The following GLCCI1 variants were observed in gnomAD, a reference collection of about 807,000 sequenced individuals.
The protein encoded by GLCCI1 is glucocorticoid-induced transcript 1 protein.
GLCCI1 carries 24 observed loss-of-function variants against 52.2 expected under a neutral mutation model. The observed-to-expected ratio is 0.46, with a 90% confidence interval of 0.33 to 0.65. GLCCI1 has a LOEUF of 0.65. Among genes scored for constraint, GLCCI1 ranks in the 30% least tolerant of loss-of-function variants. The pLI is 0.02. For synonymous variants in GLCCI1, 310 were observed against 276.5 expected (o/e 1.12, Z -1.20); for missense variants, 704 against 701.5 (o/e 1.00, Z -0.04).
Position 8,086,219 on chromosome 7 carries a change from T to C in GLCCI1, c.1325T>C (p.Leu442Pro), listed in dbSNP as rs1783103643. 6.2e-7 allele frequency: 1 copy of C among 1,613,854 alleles called. No homozygotes were observed. The highest frequency in any genetic ancestry group is 8.5e-7 in the Non-Finnish European group (1 of 1,179,942). Residue 442 changes from leucine to proline, a missense_variant, in exon 8 of 8, where the codon CTC (leucine) becomes CCC (proline). By Grantham distance (98) the Leu-to-Pro change is moderately conservative. This residue lies in a region of GLCCI1 where 149 missense variants were observed against 152.9 expected (regional missense o/e 0.97). Transcript: ENST00000223145. The surrounding 1 kb of genome is among the most constrained non-coding windows in gnomAD (Gnocchi z 4.4). ...MASRQPISAP[L>P]FSCPDKNKVN... Reference sequence around the variant, plus strand: ...TCTCGTCAGCCTATCTCGGCCCCTCTCTTTTCATGTCCTGACAAAAACAAG... The same window carrying C: ...TCTCGTCAGCCTATCTCGGCCCCTCCCTTTTCATGTCCTGACAAAAACAAG...
At chr7:8,045,250 C>G (rs1437961809) in intron 3 of GLCCI1, among the ~76,000 whole-genome samples, 2 of 152,124 alleles carry the variant, frequency 1.3e-5, no homozygotes. Context: ...CAACCCTGGA[C>G]AGGATGCCAT....
At chr7:8,012,647 G>A (rs1044815899) in intron 2 of GLCCI1, among the ~76,000 whole-genome samples, 53 of 151,106 alleles carry the variant, frequency 3.5e-4, no homozygotes, top group Admixed American at 2.3e-3. Context: ...GGGTTTCACC[G>A]TGTTAGCCAG....
At chr7:8,063,181 A>C (rs1782553606) in intron 5 of GLCCI1, among the ~76,000 whole-genome samples, 1 of 152,046 alleles carries the variant, frequency 6.6e-6, no homozygotes, top group African/African-American at 2.4e-5. Flanking sequence ...TCTGTTGCCC[A>C]GGTTGGAGTG....
At chr7:8,043,944 A>AG (rs1782060609) in intron 3 of GLCCI1, among the ~76,000 whole-genome samples, 1 of 93,452 alleles carries the variant, frequency 1.1e-5, no homozygotes, top group Non-Finnish European at 2.0e-5. Flanking sequence ...TGAAGCACTA[A>AG]ATTTTTTTTT....
intron 3 of GLCCI1, among the ~76,000 whole-genome samples, chr7:8,033,769 CTT>C (rs1781807645): frequency 6.6e-6 from 1 of 152,034 alleles, no homozygotes; most frequent in South Asian, 2.1e-4. Context: ...AATGGAAAGA[CTT>C]AACTTGTTCA....
intron 1 of GLCCI1, among the ~76,000 whole-genome samples, chr7:7,990,619 T>A (rs1780821148): frequency 6.6e-6 from 1 of 152,062 alleles, no homozygotes; most frequent in South Asian, 2.1e-4. Flanking sequence ...GACTGGTGTT[T>A]TACTGTGTTG....
At chr7:8,015,807 G>A in intron 2 of GLCCI1, among the ~76,000 whole-genome samples, 1 of 152,152 alleles carries the variant, frequency 6.6e-6, no homozygotes, top group East Asian at 1.9e-4. Context: ...TACGTTATGT[G>A]TTCATTTGTT....
chr7:7,970,759 CAG>C (rs1780335033), intron 1 of GLCCI1, among the ~76,000 whole-genome samples: 1 of 152,206 alleles, frequency 6.6e-6, no homozygotes, highest in South Asian at 2.1e-4. Flanking sequence ...TTAGCCAAAA[CAG>C]GGACTTAAAG....
chr7:8,068,680 A>G (rs1782687143), intron 5 of GLCCI1, among the ~76,000 whole-genome samples: 1 of 152,072 alleles, frequency 6.6e-6, no homozygotes, highest in African/African-American at 2.4e-5. Flanking sequence ...TGGGTAACTA[A>G]TGTGGTCAGT....
In GLCCI1 at chr7:7,989,614, T is replaced by C. The variant is rs1053867345; in HGVS notation, c.458-14294T>C. 3.0e-4 allele frequency among the ~76,000 whole-genome samples: 45 copies of C among 152,190 alleles called. 1 individual carries two copies. The highest frequency in any genetic ancestry group is 2.7e-3 in the Admixed American group (42 of 15,278). On this transcript the variant is annotated intron_variant, in intron 1 of 7. Coordinates refer to ENST00000223145, the MANE Select transcript of GLCCI1 (RefSeq NM_138426.4). ...CTTTGGTAAAGAGGTCTAGAATACA[T>C]GCCAGGCGATTTTAAATTTTTGAAT...
rs1491412424 is a variant in GLCCI1 at position 8,080,840 on chromosome 7, GGT to G, written c.1178-4056_1178-4055del. The stretch of plus-strand genomic sequence containing the variant: ...TTTTTTGTTTGTTTTTTGGTTTTGG[GGT>G]TTTTTTTTTTTTTTTGTAGAGAGGG... On this transcript the variant is annotated intron_variant, in intron 6 of 7. Transcript: ENST00000223145. 3.6e-4 allele frequency among the ~76,000 whole-genome samples: 53 copies of G among 146,942 alleles called. No homozygotes were observed. In the South Asian group the frequency reaches 5.0e-3, roughly 14 times the overall value.
At chr7:8,032,608 G>C (rs1781779125) in intron 3 of GLCCI1, among the ~76,000 whole-genome samples, 1 of 151,936 alleles carries the variant, frequency 6.6e-6, no homozygotes, top group South Asian at 2.1e-4. Context: ...ACAATATTAT[G>C]AACAACTTTA....
rs538528526 is a variant in GLCCI1, at chr7:8,036,581, A to G, written c.696+14012A>G. ...GAAAATGAAATCTTTTAAATACCAG[A>G]TAAAGAATTCAGAATATTGATACTA... On this transcript the variant is annotated intron_variant, in intron 3 of 7. Transcript: ENST00000223145. Among the ~76,000 whole-genome samples, 7 of 152,338 alleles carry G rather than the reference A, an allele frequency of 4.6e-5. No homozygotes were observed. In the South Asian group the frequency reaches 1.4e-3, roughly 32 times the overall value.
Position 8,055,464 on chromosome 7 carries a change from G to T in GLCCI1, c.728G>T (p.Arg243Leu). ...GCCAAACTGAGGCAGCAACTACAAC[G>T]CAGTAAACAGAGTAGTCGTCACAGT... Reference protein sequence around the residue: ...QIAKLRQQLQRSKQSSRHSKE... With the variant: ...QIAKLRQQLQLSKQSSRHSKE... The change falls in exon 4 of 8, where the codon CGC (arginine) becomes CTC (leucine). Residue 243 changes from arginine to leucine, a missense_variant. By Grantham distance (102) the Arg-to-Leu change is moderately radical. Coordinates refer to ENST00000223145, the MANE Select transcript of GLCCI1 (RefSeq NM_138426.4). 1 of 1,613,486 alleles carries T rather than the reference G, an allele frequency of 6.2e-7. No homozygotes were observed. The highest frequency in any genetic ancestry group is 8.5e-7 in the Non-Finnish European group (1 of 1,179,588).
chr7:8,084,529 C>T (rs546551200), intron 6 of GLCCI1: 4 of 161,954 alleles, frequency 2.5e-5, no homozygotes, highest in Non-Finnish European at 5.4e-5. Context: ...TGTAGAGAAC[C>T]CTGTATCATT....
At chr7:7,996,788 G>C (rs1424864621) in intron 1 of GLCCI1, among the ~76,000 whole-genome samples, 2 of 152,122 alleles carry the variant, frequency 1.3e-5, no homozygotes, top group African/African-American at 4.8e-5. Context: ...TCCAGATTCT[G>C]CAGGGCAGCC....
intron 3 of GLCCI1, among the ~76,000 whole-genome samples, chr7:8,027,449 C>T (rs1781646028): frequency 6.6e-6 from 1 of 152,110 alleles, no homozygotes; most frequent in South Asian, 2.1e-4. Flanking sequence ...GATCGCACCA[C>T]TGTACTCCTG....
intron 1 of GLCCI1, among the ~76,000 whole-genome samples, chr7:7,998,678 T>G: frequency 6.6e-6 from 1 of 152,234 alleles, no homozygotes; most frequent in Admixed American, 6.5e-5. Context: ...ATTTAGGTTT[T>G]AAGGTTCTTA....
intron 1 of GLCCI1, among the ~76,000 whole-genome samples, chr7:8,000,624 C>A (rs942493796): frequency 2.0e-5 from 3 of 151,778 alleles, no homozygotes; most frequent in African/African-American, 2.4e-5. Context: ...ATAAAAAAAT[C>A]TTTTAGGATG....
Sources: allele counts gnomAD v4.1 joint callset (sites outside exome capture counted in the v4.1 genomes callset), GRCh38; gene constraint gnomAD v4.1.1; regional missense constraint gnomAD v4.1.1; non-coding constraint Gnocchi (gnomAD v3.1); transcripts MANE v1.5; gene names NCBI Gene and HGNC (gene_info 2026-07-23, HGNC 2026-07-21).